HPSE2: variants seen among roughly 807,000 people sequenced by gnomAD.
HPSE2 encodes inactive heparanase-2.
In HPSE2, 38 loss-of-function variants were observed where a neutral mutation model predicts 60.5. That is an observed-to-expected ratio of 0.63 (90% CI 0.48 to 0.82). The LOEUF (loss-of-function observed/expected upper bound fraction) is 0.82. HPSE2 is among the 40% of genes least tolerant of loss of function. The pLI is 0.00. For missense variants in HPSE2, 713 were observed against 740.4 expected, an observed-to-expected ratio of 0.96 and a Z score of 0.43; for synonymous variants, 295 against 293.2, an observed-to-expected ratio of 1.01 and a Z score of -0.06.
chr10:98,565,899 C>T (rs1944329074), intron 9 of HPSE2, among the ~76,000 whole-genome samples: 1 of 151,944 alleles, frequency 6.6e-6, no homozygotes, highest in Admixed American at 6.6e-5. Flanking sequence ...AAATGGGTCA[C>T]CAAGAGGTAG....
At chr10:99,299,320 C>T in the HPSE2 span, among the ~76,000 whole-genome samples, 4 of 152,174 alleles carry the variant, frequency 2.6e-5, no homozygotes, top group African/African-American at 9.7e-5. Flanking sequence ...CTAAATTGAA[C>T]TTGTGTCTAC....
intron 3 of HPSE2, among the ~76,000 whole-genome samples, chr10:98,868,939 C>T (rs1244007688): frequency 6.6e-6 from 1 of 152,044 alleles, no homozygotes; most frequent in Non-Finnish European, 1.5e-5. Context: ...AAACTACATT[C>T]TAAATTATTT....
intron 3 of HPSE2, among the ~76,000 whole-genome samples, chr10:99,128,915 A>G (rs1445676944): frequency 2.6e-5 from 4 of 152,220 alleles, no homozygotes; most frequent in African/African-American, 7.2e-5. Flanking sequence ...CACCTAACAC[A>G]TAACAACTCA....
chr10:98,459,480 G>A lies in HPSE2; in HGVS notation c.*94C>T. On this transcript the variant is annotated 3_prime_UTR_variant, in exon 12 of 12. Transcript: ENST00000370552. The stretch of plus-strand genomic sequence containing the variant: ...CAGCAGGATGGGGCAGCAGGGGCTG[G>A]TTGCTAGGATGTCTGAAAACAGAGG... 7.4e-7 allele frequency: 1 copy of A among 1,343,140 alleles called. No individual in the cohort carries two copies. Among genetic ancestry groups the A allele is most frequent in the Non-Finnish European group, 1.1e-6 (1 of 934,562 alleles). 83.2% of individuals were successfully genotyped at this position (1,343,140 alleles called of 1,614,324 possible). A position where few individuals can be genotyped will look rare whatever the true frequency, so the allele number is the denominator to read the frequency against.
At chr10:99,122,675 G>A (rs893438945) in intron 3 of HPSE2, among the ~76,000 whole-genome samples, 3 of 151,892 alleles carry the variant, frequency 2.0e-5, no homozygotes, top group Non-Finnish European at 4.4e-5. Flanking sequence ...AACAAATGGA[G>A]ATATATACTA....
At chr10:98,897,860 T>C (rs1273229853) in intron 3 of HPSE2, among the ~76,000 whole-genome samples, 1 of 152,072 alleles carries the variant, frequency 6.6e-6, no homozygotes, top group Non-Finnish European at 1.5e-5. Context: ...TTTATTAAAA[T>C]TGAAAACTTC....
At chr10:98,675,578 A>ACACACAC (rs57464346) in intron 6 of HPSE2, among the ~76,000 whole-genome samples, 2 of 150,546 alleles carry the variant, frequency 1.3e-5, no homozygotes, top group South Asian at 2.1e-4. Flanking sequence ...ACACACACAC[A>ACACACAC]ATAACCAGCC....
At chr10:98,817,625 TC>T (rs1951321985) in intron 3 of HPSE2, among the ~76,000 whole-genome samples, 1 of 152,168 alleles carries the variant, frequency 6.6e-6, no homozygotes, top group South Asian at 2.1e-4. Context: ...ACTCTCACTC[TC>T]CTATTTCTGC....
intron 3 of HPSE2, among the ~76,000 whole-genome samples, chr10:99,084,354 G>A (rs935247621): frequency 6.6e-6 from 1 of 152,116 alleles, no homozygotes. Context: ...GTGCCAGGGG[G>A]AAATTAAAAT....
chr10:98,766,253 A>G (rs915433020), intron 3 of HPSE2, among the ~76,000 whole-genome samples: 1 of 152,224 alleles, frequency 6.6e-6, no homozygotes, highest in African/African-American at 2.4e-5. Context: ...AGGAATAATC[A>G]TATATCTACC....
chr10:98,931,651 G>A (rs1954644031), intron 3 of HPSE2, among the ~76,000 whole-genome samples: 1 of 143,392 alleles, frequency 7.0e-6, no homozygotes, highest in Non-Finnish European at 1.5e-5. Context: ...CTTGAGCAGT[G>A]GTTTGTAGTT....
intron 11 of HPSE2, among the ~76,000 whole-genome samples, chr10:98,468,011 G>A (rs1323246346): frequency 2.0e-5 from 3 of 152,242 alleles, no homozygotes; most frequent in Non-Finnish European, 2.9e-5. Flanking sequence ...GCTGCCCCCG[G>A]CCGCCAGTCG....
At chr10:98,536,361 C>T (rs1364976902) in intron 9 of HPSE2, among the ~76,000 whole-genome samples, 1 of 152,076 alleles carries the variant, frequency 6.6e-6, no homozygotes, top group African/African-American at 2.4e-5. Flanking sequence ...AGTGGGGAAC[C>T]CAAACAAAAC....
At chr10:99,180,488 C>G (rs188349209) in intron 2 of HPSE2, among the ~76,000 whole-genome samples, 3 of 152,190 alleles carry the variant, frequency 2.0e-5, no homozygotes, top group African/African-American at 4.8e-5. Flanking sequence ...ATGCAGCCAA[C>G]AAACATATGA....
chr10:98,543,320 C>A (rs535943332), intron 9 of HPSE2, among the ~76,000 whole-genome samples: 7 of 151,818 alleles, frequency 4.6e-5, no homozygotes, highest in Admixed American at 4.6e-4. Context: ...AAAGAGCTCC[C>A]GAAGGAAGTG....
At chr10:99,244,942 T>C in the HPSE2 span, among the ~76,000 whole-genome samples, 2 of 152,058 alleles carry the variant, frequency 1.3e-5, no homozygotes, top group African/African-American at 4.8e-5. Flanking sequence ...CTTAATTCAA[T>C]ACTAGTTATA....
chr10:98,828,088 C>T (rs1464577463), intron 3 of HPSE2, among the ~76,000 whole-genome samples: 2 of 152,164 alleles, frequency 1.3e-5, no homozygotes, highest in Non-Finnish European at 2.9e-5. Context: ...TACCAGCCTA[C>T]CCTGCAGATT....
chr10:99,125,825 A>G (rs1564827406), intron 3 of HPSE2, among the ~76,000 whole-genome samples: 1 of 152,214 alleles, frequency 6.6e-6, no homozygotes, highest in Non-Finnish European at 1.5e-5. Flanking sequence ...CCTAGTCTTT[A>G]GCTCGAGCCC....
intron 3 of HPSE2, among the ~76,000 whole-genome samples, chr10:99,004,240 A>C (rs969432478): frequency 2.6e-5 from 4 of 152,026 alleles, no homozygotes; most frequent in Non-Finnish European, 5.9e-5. Context: ...ATCTACTTAC[A>C]TTCAAGATAA....
Sources: gnomAD v4.1 joint callset for allele counts (sites outside exome capture counted in the v4.1 genomes callset) on GRCh38, gnomAD v4.1.1 for gene constraint, MANE v1.5 for transcripts, NCBI Gene and HGNC (gene_info 2026-07-23, HGNC 2026-07-21) for gene names.